The following HDAC9 variants were observed in gnomAD, a reference collection of about 807,000 sequenced individuals.
HDAC9 encodes the protein histone deacetylase 9, also known as MEF-2 interacting transcription repressor (MITR) protein.
A neutral mutation model predicts 139.4 loss-of-function variants in HDAC9; 41 were observed. The ratio of observed to expected loss-of-function variants is 0.29; its 90% CI spans 0.23 to 0.38. The LOEUF is 0.38. HDAC9 is among the 10% of genes least tolerant of loss of function. HDAC9 has a pLI of 1.00. For synonymous variants in HDAC9, 517 were observed against 476.2 expected (o/e 1.09, Z -1.12); for missense variants, 1,147 against 1,297.0 (o/e 0.88, Z 1.78).
chr7:18,455,776 C>A (rs1793291637), intron 1 of HDAC9, among the ~76,000 whole-genome samples: 1 of 152,116 alleles, frequency 6.6e-6, no homozygotes, highest in African/African-American at 2.4e-5. Flanking sequence ...TTGAAAAGCA[C>A]TCTGTGGTAC....
chr7:18,566,087 T>G (rs1159580019), intron 2 of HDAC9, among the ~76,000 whole-genome samples: 2 of 152,152 alleles, frequency 1.3e-5, no homozygotes, highest in Non-Finnish European at 2.9e-5. Context: ...TTACAAAAAG[T>G]AGATATTTTT....
chr7:18,189,348 G>A (rs994831604), intron 2 of HDAC9, among the ~76,000 whole-genome samples: 8 of 151,964 alleles, frequency 5.3e-5, no homozygotes, highest in African/African-American at 1.7e-4. Context: ...GTTGAGGGGT[G>A]GGGGGTGAGG....
rs559462792 is a variant in HDAC9 at position 18,977,656 on chromosome 7, G to T, written c.3170+1703G>T. On this transcript the variant is annotated intron_variant, in intron 25 of 25. Coordinates refer to ENST00000686413, the MANE Select transcript of HDAC9 (RefSeq NM_178425.4). ...TTATTTTAAGCTTCATCTGATGGCAGAGAGAGAATGTGAATGTTCTGATGT... is the reference window on the plus strand; with the variant it reads ...TTATTTTAAGCTTCATCTGATGGCATAGAGAGAATGTGAATGTTCTGATGT... Among the ~76,000 whole-genome samples the T allele has an allele frequency of 1.4e-4, 22 of 152,278 alleles. 1 individual carries two copies. The highest frequency in any genetic ancestry group is 4.8e-5 in the African/African-American group (2 of 41,572).
At chr7:18,530,901 GC>G (rs1475237779) in intron 2 of HDAC9, among the ~76,000 whole-genome samples, 1 of 151,256 alleles carries the variant, frequency 6.6e-6, no homozygotes, top group East Asian at 1.9e-4. Context: ...GTATATAAAG[GC>G]TTACAGTGAA....
chr7:18,226,316 A>G (rs1052304767), intron 2 of HDAC9, among the ~76,000 whole-genome samples: 1 of 152,162 alleles, frequency 6.6e-6, no homozygotes, highest in African/African-American at 2.4e-5. Context: ...GGAGTGGTGG[A>G]CAACTGCAGG....
rs17138760 is a variant in HDAC9 at position 18,193,258 on chromosome 7, G to A, written c.25+30909G>A. ...GATCTTAGGTAAAGTCAGATGAAAA[G>A]GTGGAACAATAATCTAATACATTTC... On this transcript the variant is annotated intron_variant, in intron 2 of 12. Transcript: ENST00000417496. Among the ~76,000 whole-genome samples, 485 of 152,144 alleles carry A rather than the reference G, an allele frequency of 3.2e-3. 5 individuals carry two copies. The highest frequency in any genetic ancestry group is 0.032 in the East Asian group (163 of 5,172).
chr7:18,702,132 C>T (rs751294023), intron 12 of HDAC9, among the ~76,000 whole-genome samples: 3 of 152,144 alleles, frequency 2.0e-5, no homozygotes, highest in Non-Finnish European at 2.9e-5. Context: ...AGTCGGATCT[C>T]GCTGACCCGT....
intron 13 of HDAC9, among the ~76,000 whole-genome samples, chr7:18,728,653 T>C (rs1369416096): frequency 6.6e-6 from 1 of 152,214 alleles, no homozygotes; most frequent in African/African-American, 2.4e-5. Context: ...TCTTTTGAGT[T>C]CTCTGATTTA....
At chr7:18,965,173 C>T (rs1783767111) in intron 24 of HDAC9, among the ~76,000 whole-genome samples, 2 of 152,300 alleles carry the variant, frequency 1.3e-5, no homozygotes, top group Non-Finnish European at 2.9e-5. Context: ...AATCTGGCTT[C>T]ATGCTTGCTA....
intron 1 of HDAC9, among the ~76,000 whole-genome samples, chr7:18,129,512 T>C (rs1403796937): frequency 6.6e-6 from 1 of 152,128 alleles, no homozygotes; most frequent in Non-Finnish European, 1.5e-5. Flanking sequence ...TTTAACTAAT[T>C]TTTATTTTAC....
chr7:18,167,320 T>C (rs1033926947), intron 2 of HDAC9, among the ~76,000 whole-genome samples: 1 of 152,216 alleles, frequency 6.6e-6, no homozygotes, highest in Non-Finnish European at 1.5e-5. Flanking sequence ...TTTTATTCAT[T>C]CTCTAGTTTT....
chr7:18,614,707 A>C (rs1013724404), intron 6 of HDAC9, among the ~76,000 whole-genome samples: 2 of 152,124 alleles, frequency 1.3e-5, no homozygotes, highest in African/African-American at 4.8e-5. Context: ...CATTTTTTCT[A>C]CCCATCATAA....
At chr7:18,120,125 A>C (rs1297229324) in intron 1 of HDAC9, among the ~76,000 whole-genome samples, 1 of 152,192 alleles carries the variant, frequency 6.6e-6, no homozygotes, top group Non-Finnish European at 1.5e-5. Context: ...GATTCTCCAC[A>C]GGAGAAGATT....
At chr7:18,820,512 G>A (rs74578072) in intron 17 of HDAC9, among the ~76,000 whole-genome samples, 2,778 of 152,210 alleles carry the variant, frequency 0.018, 92 homozygotes, top group African/African-American at 0.063. Context: ...TAAGAAAGAA[G>A]GTGTTGTGCT....
intron 13 of HDAC9, among the ~76,000 whole-genome samples, chr7:18,733,718 T>A (rs114355561): frequency 0.013 from 1,905 of 152,034 alleles, 49 homozygotes; most frequent in African/African-American, 0.044. Context: ...TTTTTGGGGG[T>A]ATGCTTTTTA....
intron 2 of HDAC9, among the ~76,000 whole-genome samples, chr7:18,524,901 C>T (rs996545367): frequency 2.0e-4 from 30 of 148,266 alleles, no homozygotes; most frequent in African/African-American, 6.0e-4. Context: ...CACACACACA[C>T]ATTACAGATA....
intron 2 of HDAC9, among the ~76,000 whole-genome samples, chr7:18,544,141 T>G (rs1467968639): frequency 6.6e-6 from 1 of 152,220 alleles, no homozygotes. Flanking sequence ...AGCTAGAGGC[T>G]GTCATGGTGA....
rs1828421389 is a variant in HDAC9, at chr7:18,583,384, C to T, written c.23-1897C>T. On this transcript the variant is annotated intron_variant, in intron 2 of 25. Transcript: ENST00000686413. ...ATAGAACAGAATTTGAAAACTGGTA[C>T]ATGTAAAGACTGAAGCATTTTGTTT... Among the ~76,000 whole-genome samples, 3 of 151,966 alleles carry T rather than the reference C, an allele frequency of 2.0e-5. No individual in the cohort carries two copies. The South Asian group carries it at 6.2e-4, about 32-fold the overall frequency.
intron 22 of HDAC9, among the ~76,000 whole-genome samples, chr7:18,903,860 C>A (rs561969640): frequency 6.6e-6 from 1 of 152,172 alleles, no homozygotes; most frequent in African/African-American, 2.4e-5. Flanking sequence ...TTCTCTCTCT[C>A]TATTTTATCA....
Sources: allele counts gnomAD v4.1 joint callset (sites outside exome capture counted in the v4.1 genomes callset), GRCh38; gene constraint gnomAD v4.1.1; transcripts MANE v1.5; gene names NCBI Gene and HGNC (gene_info 2026-07-23, HGNC 2026-07-21).